The following TBL1XR1 variants were observed in gnomAD, a reference collection of about 807,000 sequenced individuals.
TBL1XR1 encodes F-box-like/WD repeat-containing protein TBL1XR1.
Under a neutral mutation model 66.9 loss-of-function variants are expected in TBL1XR1, and 5 were observed. That is an observed-to-expected ratio of 0.07 (90% CI 0.04 to 0.16). TBL1XR1 has a LOEUF of 0.16. Among genes scored for constraint, TBL1XR1 ranks in the 10% least tolerant of loss-of-function variants. TBL1XR1 has a pLI of 1.00. For synonymous variants in TBL1XR1, 210 were observed against 206.0 expected (o/e 1.02, Z -0.17); for missense variants, 238 against 623.2 (o/e 0.38, Z 6.58).
intron 2 of TBL1XR1, among the ~76,000 whole-genome samples, chr3:177,068,711 C>T (rs1490958352): frequency 1.3e-5 from 2 of 152,150 alleles, no homozygotes; most frequent in African/African-American, 4.8e-5. Flanking sequence ...ACAGCATATT[C>T]TTTTCTGATT....
intron 4 of TBL1XR1, among the ~76,000 whole-genome samples, chr3:177,053,151 C>A (rs958481274): frequency 6.6e-6 from 1 of 152,096 alleles, no homozygotes; most frequent in Non-Finnish European, 1.5e-5. Context: ...TAAACTAGAC[C>A]GGGGTTTACA....
intron 1 of TBL1XR1, among the ~76,000 whole-genome samples, chr3:177,187,691 C>A (rs1157230653): frequency 6.6e-6 from 1 of 152,040 alleles, no homozygotes; most frequent in Non-Finnish European, 1.5e-5. Flanking sequence ...CTGAATGTCT[C>A]TTTACAATGT....
intron 1 of TBL1XR1, among the ~76,000 whole-genome samples, chr3:177,187,300 A>C (rs927998342): frequency 1.3e-5 from 2 of 150,314 alleles, no homozygotes; most frequent in Non-Finnish European, 3.0e-5. Context: ...AGACTGAGGC[A>C]GGGAGAATCG....
chr3:177,176,604 G>C (rs1734183183), intron 1 of TBL1XR1, among the ~76,000 whole-genome samples: 1 of 151,202 alleles, frequency 6.6e-6, no homozygotes, highest in Non-Finnish European at 1.5e-5. Flanking sequence ...CCTGAGGTCA[G>C]GAGTTCGAGA....
At chr3:177,135,618 G>A (rs1315151009) in intron 1 of TBL1XR1, among the ~76,000 whole-genome samples, 5 of 148,380 alleles carry the variant, frequency 3.4e-5, no homozygotes, top group African/African-American at 1.2e-4. Flanking sequence ...TCCTGACCTC[G>A]TGATCCGCCC....
In TBL1XR1 at chr3:177,050,525, T is replaced by C; in HGVS notation, c.513A>G (p.Glu171=). Residue 171 remains glutamate (E), a synonymous_variant, in exon 6 of 16, where the codon GAA becomes GAG. Transcript: ENST00000457928. ...KAVVLRGHES[E]VFICAWNPVS... ...CAGGGTTCCAGGCACAGATAAAAAC[T>C]TCAGATTCATGGCCCCGCAACACAA... The C allele has an allele frequency of 6.2e-7, 1 of 1,613,792 alleles. No individual in the cohort carries two copies. The highest frequency in any genetic ancestry group is 8.5e-7 in the Non-Finnish European group (1 of 1,179,812).
intron 2 of TBL1XR1, among the ~76,000 whole-genome samples, chr3:177,065,431 T>C (rs1213405140): frequency 2.0e-5 from 3 of 152,196 alleles, no homozygotes; most frequent in East Asian, 1.9e-4. Flanking sequence ...GAAAAGACCA[T>C]TGGGTGGGGT....
chr3:177,165,349 C>G (rs1435133540), intron 1 of TBL1XR1, among the ~76,000 whole-genome samples: 2 of 152,090 alleles, frequency 1.3e-5, no homozygotes, highest in African/African-American at 2.4e-5. Flanking sequence ...AATCAAAGAA[C>G]TAAATAAATG....
chr3:177,072,903 A>G (rs564154777), intron 2 of TBL1XR1, among the ~76,000 whole-genome samples: 2 of 152,166 alleles, frequency 1.3e-5, no homozygotes, highest in South Asian at 4.1e-4. Context: ...GTCTCTATTA[A>G]AAATACAAAA....
upstream of TBL1XR1, among the ~76,000 whole-genome samples, chr3:177,201,392 G>C (rs1737337038): frequency 7.1e-6 from 1 of 140,036 alleles, no homozygotes; most frequent in Non-Finnish European, 1.5e-5. Flanking sequence ...GCCTGGGCGG[G>C]TGACAGAGTG....
At chr3:177,180,705 T>C (rs1734718072) in intron 1 of TBL1XR1, among the ~76,000 whole-genome samples, 1 of 151,884 alleles carries the variant, frequency 6.6e-6, no homozygotes, top group African/African-American at 2.4e-5. Flanking sequence ...CCCAACCAAA[T>C]GTCTCTAAAT....
intron 1 of TBL1XR1, among the ~76,000 whole-genome samples, chr3:177,175,581 A>T (rs1056156492): frequency 2.0e-5 from 3 of 152,210 alleles, no homozygotes; most frequent in Admixed American, 6.5e-5. Flanking sequence ...TTAATTTTTT[A>T]AATTATATAT....
chr3:177,189,042 C>A (rs959777100), intron 1 of TBL1XR1, among the ~76,000 whole-genome samples: 1 of 151,678 alleles, frequency 6.6e-6, no homozygotes, highest in Non-Finnish European at 1.5e-5. Context: ...CCTATCTCTA[C>A]TAAAAATACA....
chr3:177,101,691 G>A (rs866007437), intron 1 of TBL1XR1, among the ~76,000 whole-genome samples: 4 of 152,110 alleles, frequency 2.6e-5, no homozygotes, highest in Admixed American at 2.0e-4. Flanking sequence ...GGAACTATAA[G>A]AAATCAATTT....
At chr3:177,099,169 T>C (rs1872169) in intron 1 of TBL1XR1, among the ~76,000 whole-genome samples, 89,897 of 151,860 alleles carry the variant, frequency 0.59, 26,756 homozygotes, top group East Asian at 0.73. Flanking sequence ...GAATTCGAGA[T>C]CAGCCTGGCC....
intron 1 of TBL1XR1, among the ~76,000 whole-genome samples, chr3:177,183,574 G>A (rs980362790): frequency 8.6e-5 from 13 of 151,714 alleles, no homozygotes; most frequent in Admixed American, 1.3e-4. Flanking sequence ...GCAGTGGTGC[G>A]ATTTTGGCTC....
At chr3:177,071,602 T>TA (rs1224712297) in intron 2 of TBL1XR1, among the ~76,000 whole-genome samples, 11 of 151,478 alleles carry the variant, frequency 7.3e-5, no homozygotes, top group East Asian at 3.9e-4. Context: ...AGTATAGTTT[T>TA]AAAAAAAAAC....
chr3:177,021,065 C>A lies in TBL1XR1; in HGVS notation c.*4433G>T, dbSNP rs776842504. The A allele has an allele frequency of 3.3e-5, 5 of 152,104 alleles. No homozygotes were observed. The highest frequency in any genetic ancestry group is 5.9e-5 in the Non-Finnish European group (4 of 67,996). 9.4% of individuals were successfully genotyped at this position (152,104 alleles called of 1,614,324 possible). ...CATGGGCTGGTTTACACTTTTACAA[C>A]AGTTTTAAAGTTAACTGGATAACTA... On this transcript the variant is annotated 3_prime_UTR_variant, in exon 16 of 16. Transcript: ENST00000457928.
intron 2 of TBL1XR1, among the ~76,000 whole-genome samples, chr3:177,096,327 TACATACATACAC>T (rs1723474295): frequency 9.2e-6 from 1 of 108,206 alleles, no homozygotes; most frequent in East Asian, 3.0e-4. Context: ...CACACTAACA[TACATACATACAC>T]ACACACACAC....
Sources: gnomAD v4.1 joint callset for allele counts (sites outside exome capture counted in the v4.1 genomes callset) on GRCh38, gnomAD v4.1.1 for gene constraint, MANE v1.5 for transcripts, NCBI Gene and HGNC (gene_info 2026-07-23, HGNC 2026-07-21) for gene names.